Variants in DPH6 observed in about 807,000 individuals in gnomAD.
The protein encoded by DPH6 is diphthine--ammonia ligase.
Under a neutral mutation model 38.2 loss-of-function variants are expected in DPH6, and 33 were observed. The observed-to-expected ratio is 0.86, with a 90% CI of 0.65 to 1.15. The LOEUF (loss-of-function observed/expected upper bound fraction) is 1.15, where lower values mean the gene tolerates loss of function less well. DPH6 is among the 50% of genes most tolerant of loss of function. DPH6 has a pLI of 0.00. For synonymous variants in DPH6, 108 were observed against 103.0 expected (o/e 1.05, Z -0.30); for missense variants, 325 against 320.0 (o/e 1.02, Z -0.12).
At chr15:35,458,836 T>C (rs1262767281) in intron 3 of DPH6, among the ~76,000 whole-genome samples, 2 of 152,172 alleles carry the variant, frequency 1.3e-5, no homozygotes, top group Non-Finnish European at 2.9e-5. Context: ...CATAATGCAA[T>C]CCTTTTGGAT....
chr15:35,540,711 A>T (rs2055239814), intron 2 of DPH6, among the ~76,000 whole-genome samples: 1 of 152,094 alleles, frequency 6.6e-6, no homozygotes, highest in Non-Finnish European at 1.5e-5. Context: ...GGTATAATTT[A>T]AAAATATACT....
At chr15:35,400,854 G>A in intron 6 of DPH6, 1 of 802,934 alleles carries the variant, frequency 1.2e-6, no homozygotes, top group South Asian at 1.3e-5. Context: ...AACATTCCAG[G>A]GGCTTTGGGT....
chr15:35,469,247 T>C (rs1331242049), intron 3 of DPH6, among the ~76,000 whole-genome samples: 7 of 152,348 alleles, frequency 4.6e-5, no homozygotes, highest in Admixed American at 3.9e-4. Context: ...TGGATTTACT[T>C]TTCTTATTGG....
chr15:35,481,181 T>C (rs1411174743), intron 3 of DPH6, among the ~76,000 whole-genome samples: 1 of 152,158 alleles, frequency 6.6e-6, no homozygotes, highest in Non-Finnish European at 1.5e-5. Flanking sequence ...CAAATTAGAA[T>C]TTAAATTTAT....
At chr15:35,180,392 AACACACACACAC>A in the DPH6 span, among the ~76,000 whole-genome samples, 839 of 140,582 alleles carry the variant, frequency 6.0e-3, 6 homozygotes, top group African/African-American at 0.016. Context: ...TTGGTTTTAA[AACACACACACAC>A]ACACACACAC....
chr15:35,262,574 C>T (rs976146205), intron 3 of DPH6, among the ~76,000 whole-genome samples: 39 of 151,936 alleles, frequency 2.6e-4, no homozygotes, highest in East Asian at 9.7e-4. Flanking sequence ...GGCGTGGTGG[C>T]GGGCGCCTGT....
the DPH6 span, among the ~76,000 whole-genome samples, chr15:35,174,207 C>T: frequency 3.3e-5 from 5 of 151,958 alleles, no homozygotes; most frequent in East Asian, 9.7e-4. Flanking sequence ...CAAAGAAATG[C>T]CAACATATTA....
downstream of DPH6, chr15:35,366,009 T>C: frequency 1.0e-6 from 1 of 985,182 alleles, no homozygotes; most frequent in Non-Finnish European, 1.2e-6. Context: ...GGTAGGAAAG[T>C]TGTGCTGAAC....
chr15:35,345,029 A>G (rs560405057), intron 3 of DPH6, among the ~76,000 whole-genome samples: 6 of 152,008 alleles, frequency 3.9e-5, no homozygotes, highest in African/African-American at 1.4e-4. Context: ...AATACAATTA[A>G]TCAAAGATGT....
intron 3 of DPH6, among the ~76,000 whole-genome samples, chr15:35,524,837 T>A (rs146095677): frequency 2.3e-4 from 35 of 152,294 alleles, no homozygotes. Context: ...TTAAGTTGCA[T>A]GATTTACAGC....
chr15:35,414,473 GTTTAT>G (rs1819405792), intron 5 of DPH6, among the ~76,000 whole-genome samples: 2 of 151,880 alleles, frequency 1.3e-5, no homozygotes, highest in Middle Eastern at 3.4e-3. Context: ...CTAGGCACAT[GTTTAT>G]TTTAATTAGT....
intron 3 of DPH6, among the ~76,000 whole-genome samples, chr15:35,279,570 G>T (rs933708954): frequency 1.3e-5 from 2 of 152,054 alleles, no homozygotes; most frequent in African/African-American, 4.8e-5. Flanking sequence ...GTTAATGCAA[G>T]ACCTGGTTTA....
At chr15:35,528,206 C>T (rs2055033912) in intron 3 of DPH6, among the ~76,000 whole-genome samples, 2 of 152,094 alleles carry the variant, frequency 1.3e-5, no homozygotes, top group South Asian at 2.1e-4. Context: ...TAAGGATAAA[C>T]TATTTCAGTT....
At position 35,527,706 on chromosome 15, in the gene DPH6, T is replaced by C. The variant is rs116493119; in HGVS notation, c.312+10568A>G. On this transcript the variant is annotated intron_variant, in intron 3 of 8. Transcript: ENST00000256538. ...AACGCAGCACTATTCAGGAAAGGCATGGACCGTATGGGGAAGAATGAGTTC... is the reference window on the plus strand; with the variant it reads ...AACGCAGCACTATTCAGGAAAGGCACGGACCGTATGGGGAAGAATGAGTTC... Among the ~76,000 whole-genome samples, 756 of 152,282 alleles carry C rather than the reference T, an allele frequency of 5.0e-3. 7 individuals carry two copies. The highest frequency in any genetic ancestry group is 0.018 in the African/African-American group (732 of 41,560).
chr15:35,325,679 T>C (rs551045043), intron 3 of DPH6, among the ~76,000 whole-genome samples: 3 of 152,228 alleles, frequency 2.0e-5, no homozygotes, highest in African/African-American at 7.2e-5. Flanking sequence ...TTGTAAATGT[T>C]TTCTTAAAGA....
intron 3 of DPH6, among the ~76,000 whole-genome samples, chr15:35,487,454 C>T (rs2054419428): frequency 6.6e-6 from 1 of 152,246 alleles, no homozygotes; most frequent in African/African-American, 2.4e-5. Context: ...GGCCCAACAC[C>T]ATGTGGAAGC....
At chr15:35,522,893 T>G (rs924074014) in intron 3 of DPH6, among the ~76,000 whole-genome samples, 1 of 152,152 alleles carries the variant, frequency 6.6e-6, no homozygotes, top group African/African-American at 2.4e-5. Flanking sequence ...CTAATCTGTT[T>G]CCTTCTCTTA....
chr15:35,307,276 T>C (rs2052099736), intron 3 of DPH6, among the ~76,000 whole-genome samples: 1 of 152,094 alleles, frequency 6.6e-6, no homozygotes, highest in African/African-American at 2.4e-5. Flanking sequence ...TCTCACTCTG[T>C]ATTGGGCACA....
intron 3 of DPH6, among the ~76,000 whole-genome samples, chr15:35,303,274 G>A (rs578180592): frequency 2.1e-4 from 32 of 151,856 alleles, no homozygotes; most frequent in Non-Finnish European, 4.0e-4. Context: ...AAGGTGCGAT[G>A]TTATCTATAT....
Sources: allele counts gnomAD v4.1 joint callset (sites outside exome capture counted in the v4.1 genomes callset), GRCh38; gene constraint gnomAD v4.1.1; transcripts MANE v1.5; gene names NCBI Gene and HGNC (gene_info 2026-07-23, HGNC 2026-07-21).